The following CSMD1 variants were observed in gnomAD, a reference collection of about 807,000 sequenced individuals.
CSMD1 encodes CUB and Sushi multiple domains 1.
Under a neutral mutation model 417.5 loss-of-function variants are expected in CSMD1, and 213 were observed. The observed-to-expected ratio is 0.51, with a 90% CI of 0.46 to 0.57. CSMD1 has a LOEUF of 0.57. CSMD1 is among the 20% of genes least tolerant of loss of function. The pLI is 0.00. For synonymous variants in CSMD1, 2,862 were observed against 1,736.8 expected, an observed-to-expected ratio of 1.65 and a Z score of -16.11; for missense variants, 6,923 against 4,529.7, an observed-to-expected ratio of 1.53 and a Z score of -15.17.
intron 1 of CSMD1, among the ~76,000 whole-genome samples, chr8:4,687,121 G>A (rs1182612226): frequency 6.6e-6 from 1 of 152,222 alleles, no homozygotes; most frequent in Non-Finnish European, 1.5e-5. Context: ...AGCTGCCATA[G>A]CACACAGACC....
chr8:4,068,841 T>C (rs75129657), intron 3 of CSMD1, among the ~76,000 whole-genome samples: 3,553 of 152,284 alleles, frequency 0.023, 156 homozygotes, highest in African/African-American at 0.082. Context: ...ATGTACTGTA[T>C]CAAAATGCAG....
chr8:4,693,244 T>A (rs935786604), intron 1 of CSMD1, among the ~76,000 whole-genome samples: 3 of 152,226 alleles, frequency 2.0e-5, no homozygotes, highest in Non-Finnish European at 2.9e-5. Flanking sequence ...GCAAGAAATG[T>A]TCTCTGCCAA....
chr8:3,567,696 G>C (rs1397398858), intron 10 of CSMD1, among the ~76,000 whole-genome samples: 2 of 152,072 alleles, frequency 1.3e-5, no homozygotes, highest in African/African-American at 2.4e-5. Flanking sequence ...AGAAAGACTG[G>C]TTATTTCCCC....
chr8:4,750,968 T>A (rs778284436), intron 1 of CSMD1, among the ~76,000 whole-genome samples: 57 of 152,322 alleles, frequency 3.7e-4, no homozygotes, highest in Non-Finnish European at 6.6e-4. Flanking sequence ...GTATTGACAC[T>A]TTAAGGGAAG....
At chr8:4,728,267 T>C (rs1026293671) in intron 1 of CSMD1, among the ~76,000 whole-genome samples, 6 of 150,702 alleles carry the variant, frequency 4.0e-5, no homozygotes, top group Non-Finnish European at 7.4e-5. Flanking sequence ...TGCATGTATA[T>C]GATTTGGGTT....
intron 3 of CSMD1, among the ~76,000 whole-genome samples, chr8:4,256,488 G>GT (rs1585108344): frequency 6.6e-6 from 1 of 152,306 alleles, no homozygotes; most frequent in East Asian, 1.9e-4. Flanking sequence ...GTAAAGGGAG[G>GT]TTCTCAGTGA....
At chr8:3,668,628 G>A (rs1434254140) in intron 7 of CSMD1, among the ~76,000 whole-genome samples, 6 of 152,070 alleles carry the variant, frequency 3.9e-5, no homozygotes, top group African/African-American at 9.7e-5. Flanking sequence ...GAGAAGAGAC[G>A]ATCCTGAACA....
At chr8:4,446,217 C>G (rs954902859) in intron 2 of CSMD1, among the ~76,000 whole-genome samples, 1 of 152,176 alleles carries the variant, frequency 6.6e-6, no homozygotes, top group Non-Finnish European at 1.5e-5. Flanking sequence ...CCACAATCAT[C>G]TATTTCTAGG....
intron 3 of CSMD1, among the ~76,000 whole-genome samples, chr8:4,033,186 G>C (rs571736875): frequency 3.7e-4 from 52 of 142,110 alleles, no homozygotes; most frequent in Non-Finnish European, 6.6e-4. Context: ...CACGCCTGTA[G>C]TCCCAGCACT....
chr8:4,040,995 C>A (rs1490622871), intron 3 of CSMD1, among the ~76,000 whole-genome samples: 3 of 84,700 alleles, frequency 3.5e-5, no homozygotes, highest in African/African-American at 6.7e-5. Context: ...CCTATATTTT[C>A]TTTTCTTTCT....
At position 4,031,953 on chromosome 8, in the gene CSMD1, T is replaced by C. The variant is rs1377862438; in HGVS notation, c.562A>G (p.Ser188Gly). The change falls in exon 4 of 70, where the codon AGC becomes GGC. Residue 188 changes from serine (S) to glycine (G), a missense_variant. Coordinates refer to ENST00000635120, the MANE Select transcript of CSMD1 (RefSeq NM_033225.6). ...EGHAILTCIV[S>G]PGNGASWDFP... ...TCCCACGATGCACCATTTCCTGGGC[T>C]GACGATGCAGGTCAGGATGGCGTGG... The C allele has an allele frequency of 2.5e-6, 4 of 1,613,992 alleles. No individual in the cohort carries two copies. The highest frequency in any genetic ancestry group is 3.4e-6 in the Non-Finnish European group (4 of 1,179,890).
intron 1 of CSMD1, among the ~76,000 whole-genome samples, chr8:4,838,471 A>C (rs1563549613): frequency 1.3e-5 from 2 of 152,252 alleles, no homozygotes; most frequent in Non-Finnish European, 2.9e-5. Flanking sequence ...TGCCCTGATG[A>C]AGATGCTTCA....
chr8:3,425,851 G>A (rs555797118), intron 12 of CSMD1, among the ~76,000 whole-genome samples: 1 of 152,184 alleles, frequency 6.6e-6, no homozygotes, highest in Non-Finnish European at 1.5e-5. Context: ...TGACCTGTTA[G>A]AATAAAACTG....
intron 1 of CSMD1, among the ~76,000 whole-genome samples, chr8:4,886,325 C>T (rs891193604): frequency 1.3e-5 from 2 of 151,794 alleles, no homozygotes; most frequent in Non-Finnish European, 2.9e-5. Flanking sequence ...TGTTCCAGCA[C>T]TATATATATT....
intron 3 of CSMD1, among the ~76,000 whole-genome samples, chr8:4,069,341 T>G (rs1025868541): frequency 2.6e-5 from 4 of 152,216 alleles, no homozygotes; most frequent in African/African-American, 9.6e-5. Flanking sequence ...CCAACTCTTA[T>G]CTACAGGTAG....
chr8:4,336,717 C>A (rs1800195435), intron 3 of CSMD1, among the ~76,000 whole-genome samples: 1 of 152,082 alleles, frequency 6.6e-6, no homozygotes, highest in Non-Finnish European at 1.5e-5. Flanking sequence ...TGTATTCTTT[C>A]TAGGATCCAA....
intron 24 of CSMD1, 111 bp downstream of exon 24, chr8:3,308,201 G>A (rs979732827): frequency 1.2e-6 from 1 of 801,738 alleles, no homozygotes; most frequent in Non-Finnish European, 2.0e-6. Flanking sequence ...ACTCACACTG[G>A]AAAGTGTGAT....
intron 1 of CSMD1, among the ~76,000 whole-genome samples, chr8:4,905,549 G>T (rs1029134913): frequency 6.6e-6 from 1 of 152,110 alleles, no homozygotes. Context: ...GTCAGACACA[G>T]TGGCTCACAT....
intron 5 of CSMD1, among the ~76,000 whole-genome samples, chr8:3,981,995 C>G (rs1029813784): frequency 6.6e-6 from 1 of 151,858 alleles, no homozygotes. Context: ...CACGGTGAAA[C>G]CCCGTCTCTA....
Sources: gnomAD v4.1 joint callset for allele counts (sites outside exome capture counted in the v4.1 genomes callset) on GRCh38, gnomAD v4.1.1 for gene constraint, MANE v1.5 for transcripts, NCBI Gene and HGNC (gene_info 2026-07-23, HGNC 2026-07-21) for gene names.